The following PPP1R12A variants were observed in gnomAD, a reference collection of about 807,000 sequenced individuals.
The protein encoded by PPP1R12A is protein phosphatase 1 regulatory subunit 12A.
A neutral mutation model predicts 139.6 loss-of-function variants in PPP1R12A; 19 were observed. That is an observed-to-expected ratio of 0.14 (90% CI 0.09 to 0.20). The LOEUF is 0.20. Among genes scored for constraint, PPP1R12A ranks in the 10% least tolerant of loss-of-function variants. The probability of loss-of-function intolerance (pLI) is 1.00; values close to 1 mark genes in which losing one functional copy is unlikely to be tolerated. For synonymous variants in PPP1R12A, 427 were observed against 420.6 expected, an observed-to-expected ratio of 1.02 and a Z score of -0.19; for missense variants, 925 against 1,211.5, an observed-to-expected ratio of 0.76 and a Z score of 3.51.
Position 79,817,250 on chromosome 12 carries a change from G to A in PPP1R12A, c.1239+144C>T, listed in dbSNP as rs549103823. 16 of 735,230 alleles carry A rather than the reference G, an allele frequency of 2.2e-5. No homozygotes were observed. In the Admixed American group the frequency reaches 2.9e-4, roughly 13 times the overall value. 45.5% of individuals were successfully genotyped at this position (735,230 alleles called of 1,614,324 possible). On this transcript the variant is annotated intron_variant, in intron 9 of 24. Transcript: ENST00000450142. Reference sequence around the variant, plus strand: ...GATTCAGAAGAAATCTCATTCAACTGAGAAACATAAATACATATTTATATT... The same window carrying A: ...GATTCAGAAGAAATCTCATTCAACTAAGAAACATAAATACATATTTATATT...
At chr12:79,822,774 TAC>T (rs929026761) in intron 5 of PPP1R12A, among the ~76,000 whole-genome samples, 1 of 151,862 alleles carries the variant, frequency 6.6e-6, no homozygotes, top group African/African-American at 2.4e-5. Context: ...GCATGATATA[TAC>T]AGTTTGCTAA....
At chr12:79,782,693 G>T in intron 22 of PPP1R12A, 2 of 359,236 alleles carry the variant, frequency 5.6e-6, no homozygotes. Context: ...ATTGATCTCT[G>T]TACAAACATC....
At position 79,894,419 on chromosome 12, in the gene PPP1R12A, G is replaced by T. The variant is rs557330083; in HGVS notation, c.238-21481C>A. Among the ~76,000 whole-genome samples the T allele has an allele frequency of 1.1e-4, 16 of 152,174 alleles. 1 individual carries two copies. In the South Asian group the frequency reaches 3.3e-3, roughly 32 times the overall value. On this transcript the variant is annotated intron_variant, in intron 1 of 24. Transcript: ENST00000450142. ...ATTTCACTAGAAATCTAAAAGCTAA[G>T]TCTTGACCATATAAGGCTTTGGGAT...
chr12:79,887,856 C>T (rs944553190), intron 1 of PPP1R12A, among the ~76,000 whole-genome samples: 4 of 152,118 alleles, frequency 2.6e-5, no homozygotes, highest in African/African-American at 9.7e-5. Context: ...AGACTACACA[C>T]CAAAGCGTTA....
chr12:79,901,300 C>G (rs1885621621), intron 1 of PPP1R12A, among the ~76,000 whole-genome samples: 1 of 152,086 alleles, frequency 6.6e-6, no homozygotes, highest in African/African-American at 2.4e-5. Flanking sequence ...CAGTAGGGCT[C>G]CTTTGATTAC....
chr12:79,782,490 C>CT (rs2136976074), intron 22 of PPP1R12A: 4 of 433,934 alleles, frequency 9.2e-6, no homozygotes, highest in South Asian at 6.6e-5. Context: ...CCTGTACTAT[C>CT]TGACCAGCTC....
At chr12:79,908,224 T>C (rs1358838893) in intron 1 of PPP1R12A, among the ~76,000 whole-genome samples, 2 of 152,232 alleles carry the variant, frequency 1.3e-5, no homozygotes, top group Non-Finnish European at 2.9e-5. Flanking sequence ...AATTCATTTC[T>C]ATTTAAAACA....
rs373312410 is a variant in PPP1R12A at position 79,800,190 on chromosome 12, TG to T, written c.2001-1607del. Reference sequence around the variant, plus strand: ...ATAGAACCAGAGTACAGTTGACTGCTGAACAACACAAGTTTGAACTGTGCAG... The same window carrying T: ...ATAGAACCAGAGTACAGTTGACTGCTAACAACACAAGTTTGAACTGTGCAG... On this transcript the variant is annotated intron_variant, in intron 14 of 24. Coordinates refer to ENST00000450142, the MANE Select transcript of PPP1R12A (RefSeq NM_002480.3). Among the ~76,000 whole-genome samples the T allele has an allele frequency of 5.2e-3, 792 of 152,272 alleles. 5 individuals are homozygous for T. The highest frequency in any genetic ancestry group is 0.018 in the African/African-American group (752 of 41,552).
chr12:79,883,623 C>A (rs1057406068), intron 1 of PPP1R12A, among the ~76,000 whole-genome samples: 4 of 152,136 alleles, frequency 2.6e-5, no homozygotes, highest in Non-Finnish European at 5.9e-5. Flanking sequence ...GTACACCTAT[C>A]TAACCATATA....
chr12:79,798,460 T>C (rs1289624493), intron 15 of PPP1R12A, 34 bp downstream of exon 15: 12 of 1,349,366 alleles, frequency 8.9e-6, no homozygotes, highest in Admixed American at 2.1e-5. Context: ...ATGCTACTTA[T>C]GTAAGTTTTA....
intron 2 of PPP1R12A, among the ~76,000 whole-genome samples, chr12:79,861,704 G>A (rs1255261787): frequency 1.3e-5 from 2 of 152,176 alleles, no homozygotes; most frequent in African/African-American, 4.8e-5. Flanking sequence ...CTCACTGCTA[G>A]CACAGCAGTC....
chr12:79,800,694 C>T (rs1470361437), intron 14 of PPP1R12A, among the ~76,000 whole-genome samples: 1 of 151,590 alleles, frequency 6.6e-6, no homozygotes, highest in African/African-American at 2.4e-5. Context: ...CTCAAAACCC[C>T]AGGCAATGAT....
intron 1 of PPP1R12A, among the ~76,000 whole-genome samples, chr12:79,922,318 A>G (rs7956796): frequency 0.63 from 96,163 of 152,112 alleles, 37,621 homozygotes; most frequent in Non-Finnish European, 0.88. Context: ...GGTGACATAT[A>G]GGGGATAACA....
chr12:79,890,768 A>C (rs1884509390), intron 1 of PPP1R12A, among the ~76,000 whole-genome samples: 1 of 152,096 alleles, frequency 6.6e-6, no homozygotes, highest in African/African-American at 2.4e-5. Context: ...CAATAAACTC[A>C]TAGGCCATCA....
chr12:79,790,557 G>T, intron 19 of PPP1R12A, 74 bp from the exon 20 acceptor site: 2 of 1,104,840 alleles, frequency 1.8e-6, no homozygotes, highest in Non-Finnish European at 1.3e-6. Flanking sequence ...ATGATTATAA[G>T]TAAATTTAAT....
intron 1 of PPP1R12A, among the ~76,000 whole-genome samples, chr12:79,918,989 G>A (rs1262843880): frequency 6.6e-6 from 1 of 151,856 alleles, no homozygotes; most frequent in Non-Finnish European, 1.5e-5. Flanking sequence ...GGTGGCATGC[G>A]CCTGTAATCC....
At chr12:79,793,009 T>C (rs1872080462) in intron 19 of PPP1R12A, among the ~76,000 whole-genome samples, 1 of 152,220 alleles carries the variant, frequency 6.6e-6, no homozygotes, top group African/African-American at 2.4e-5. Flanking sequence ...AACCAACTTT[T>C]GTTCACATTA....
chr12:79,799,660 T>A (rs1347629483), intron 14 of PPP1R12A, among the ~76,000 whole-genome samples: 1 of 152,240 alleles, frequency 6.6e-6, no homozygotes, highest in East Asian at 1.9e-4. Flanking sequence ...AATTTAAGCC[T>A]ATGTTTCCTC....
intron 1 of PPP1R12A, among the ~76,000 whole-genome samples, chr12:79,917,682 C>T (rs1457090614): frequency 6.6e-6 from 1 of 151,834 alleles, no homozygotes; most frequent in Non-Finnish European, 1.5e-5. Flanking sequence ...CAAAGCAAGT[C>T]CTGTAATATT....
Sources: allele counts gnomAD v4.1 joint callset (sites outside exome capture counted in the v4.1 genomes callset), GRCh38; gene constraint gnomAD v4.1.1; transcripts MANE v1.5; gene names NCBI Gene and HGNC (gene_info 2026-07-23, HGNC 2026-07-21).